Variants in NFATC4 observed in about 807,000 individuals in gnomAD.
The protein encoded by NFATC4 is nuclear factor of activated T-cells, cytoplasmic 4.
In NFATC4, 25 loss-of-function variants were observed where a neutral mutation model predicts 73.4. The ratio of observed to expected loss-of-function variants is 0.34; its 90% confidence interval spans 0.25 to 0.48. The LOEUF is 0.48. Among genes scored for constraint, NFATC4 ranks in the 20% least tolerant of loss-of-function variants. The pLI, the probability that NFATC4 is intolerant of heterozygous loss-of-function variation, is 0.99. For missense variants in NFATC4, 1,130 were observed against 1,203.7 expected, an observed-to-expected ratio of 0.94 and a Z score of 0.91; for synonymous variants, 523 against 510.3, an observed-to-expected ratio of 1.02 and a Z score of -0.34.
upstream of NFATC4, chr14:24,367,249 C>A: frequency 6.2e-7 from 1 of 1,610,404 alleles, no homozygotes; most frequent in Non-Finnish European, 8.5e-7. Flanking sequence ...GGCGGGGGGG[C>A]CAAGGAGGGG....
In NFATC4 at chr14:24,377,701, C is replaced by T. The variant is rs769933716; in HGVS notation, c.2705C>T (p.Ala902Val). 4 of 1,614,094 alleles carry T rather than the reference C, an allele frequency of 2.5e-6. No homozygotes were observed. In the African/African-American group the frequency reaches 4.0e-5, roughly 16 times the overall value. Residue 902 changes from alanine to valine, a missense_variant, in exon 10 of 10, where the codon GCC becomes GTC. Around this residue, in one of 3 missense-constraint regions of NFATC4, gnomAD observed 390 missense variants for 408.1 expected, o/e 0.96. Coordinates refer to ENST00000250373, the MANE Select transcript of NFATC4 (RefSeq NM_004554.5). This position sits in a 1 kb window ranked among gnomAD's most constrained non-coding sequence, Gnocchi z 4.2. ...FPAPPGEEPPA is the reference protein window; with the variant it reads ...FPAPPGEEPPV ...GCACCTCCTGGAGAAGAGCCTCCTG[C>T]CTGAACCACGTGAACTGTCATCACC...
intron 7 of NFATC4, 67 bp from the exon 8 acceptor site, chr14:24,375,908 C>T (rs1221743134): frequency 3.3e-5 from 53 of 1,604,936 alleles, no homozygotes; most frequent in Non-Finnish European, 4.3e-5. Context: ...GGAGTCTGGG[C>T]CCCTGGAAAG....
intron 6 of NFATC4, 100 bp from the exon 7 acceptor site, chr14:24,375,560 A>C (rs1338929993): frequency 7.9e-7 from 1 of 1,273,134 alleles, no homozygotes; most frequent in East Asian, 2.5e-5. Context: ...GGGCCTTCTG[A>C]ATTTGGCCTT....
In NFATC4 at chr14:24,369,853, T is replaced by C; in HGVS notation, c.455T>C (p.Phe152Ser). 3 of 1,608,792 alleles carry C rather than the reference T, an allele frequency of 1.9e-6. No individual in the cohort carries two copies. The highest frequency in any genetic ancestry group is 2.5e-6 in the Non-Finnish European group (3 of 1,177,944). ...SPRDYPPPEG[F>S]GGYREAGGQG... is the part of the protein sequence containing the mutation. ...AGAGATTACCCCCCACCAGAAGGCT[T>C]TGGGGGCTACAGAGAAGCAGGGGGC... is the stretch of plus-strand genomic sequence containing the variant. The change falls in exon 2 of 10, where the codon TTT becomes TCT. Residue 152 changes from phenylalanine to serine, a missense_variant. This residue lies in a region of NFATC4 where 585 missense variants were observed against 574.3 expected (regional missense o/e 1.02). Transcript: ENST00000250373.
chr14:24,377,473 TCA>T lies in NFATC4; in HGVS notation c.2642-164_2642-163del. ...GGCAAGATTTGATTCGGAGCAGGTG[TCA>T]AGACGTGTTGGGGAAACTGAGGCCC... On this transcript the variant is annotated intron_variant, in intron 9 of 9. Transcript: ENST00000250373. This position sits in a 1 kb window ranked among gnomAD's most constrained non-coding sequence, Gnocchi z 4.2. 2 of 1,446,686 alleles carry T rather than the reference TCA, an allele frequency of 1.4e-6. No individual in the cohort carries two copies. The highest frequency in any genetic ancestry group is 2.6e-5 in the Admixed American group (1 of 37,766). The allele number at this position is 1,446,686 out of a possible 1,614,324, so 89.6% of individuals were successfully genotyped here. A position where few individuals can be genotyped will look rare whatever the true frequency, so the allele number is the denominator to read the frequency against.
Position 24,377,759 on chromosome 14 carries a change from C to G in NFATC4, c.*54C>G. On this transcript the variant is annotated 3_prime_UTR_variant, in exon 10 of 10. Coordinates refer to ENST00000250373, the MANE Select transcript of NFATC4 (RefSeq NM_004554.5). This position sits in a 1 kb window ranked among gnomAD's most constrained non-coding sequence, Gnocchi z 4.2. ...CCCAGCCCCAGCCTCAGCCCTGCCC[C>G]CTTTCCCTCCTTCCTGGAGTGGTGG... 6.2e-7 allele frequency: 1 copy of G among 1,613,576 alleles called. No individual in the cohort carries two copies. Among genetic ancestry groups the G allele is most frequent in the East Asian group, 2.2e-5 (1 of 44,874 alleles).
At chr14:24,367,234 T>C, upstream of NFATC4, 1 of 1,612,974 alleles carries the variant, frequency 6.2e-7, no homozygotes, top group South Asian at 1.1e-5. Flanking sequence ...GTCCAGCCTG[T>C]TGGGGGCGGG....
Position 24,377,685 on chromosome 14 carries a change from G to A in NFATC4, c.2689G>A (p.Gly897Arg), listed in dbSNP as rs1314760335. The A allele has an allele frequency of 1.9e-6, 3 of 1,614,028 alleles. No individual in the cohort carries two copies. Among genetic ancestry groups the A allele is most frequent in the Middle Eastern group, 3.3e-4 (2 of 6,084 alleles). The stretch of plus-strand genomic sequence containing the variant: ...CCTGAGTGGCTTCCCTGCACCTCCT[G>A]GAGAAGAGCCTCCTGCCTGAACCAC... ...RDLSGFPAPP[G>R]EEPPA Residue 897 changes from glycine to arginine, a missense_variant, in exon 10 of 10, where the codon GGA becomes AGA. Transcript: ENST00000250373. The surrounding 1 kb of genome is among the most constrained non-coding windows in gnomAD (Gnocchi z 4.2).
In NFATC4 at chr14:24,377,636, A is replaced by G; in HGVS notation, c.2642-2A>G. On this transcript the variant is annotated splice_acceptor_variant, in intron 9 of 9. Coordinates refer to ENST00000250373, the MANE Select transcript of NFATC4 (RefSeq NM_004554.5). LOFTEE classifies it high-confidence loss of function. The surrounding 1 kb of genome is among the most constrained non-coding windows in gnomAD (Gnocchi z 4.2). ...AGTCTCTCAACTGCCCCTCCTTTAC[A>G]GTGAGTGAGATCATTGGCCGAGACC... 6.2e-7 allele frequency: 1 copy of G among 1,614,046 alleles called. No individual in the cohort carries two copies. Among genetic ancestry groups the G allele is most frequent in the South Asian group, 1.1e-5 (1 of 91,066 alleles).
Position 24,379,373 on chromosome 14 carries a change from C to T in NFATC4, c.*1668C>T, listed in dbSNP as rs1398300026. On this transcript the variant is annotated 3_prime_UTR_variant, in exon 10 of 10. Transcript: ENST00000250373. Reference sequence around the variant, plus strand: ...CATTCGTGTCCTATTTATCAATCTTCAGCACCACCTCTAAGATCTCTGAGA... The same window carrying T: ...CATTCGTGTCCTATTTATCAATCTTTAGCACCACCTCTAAGATCTCTGAGA... The T allele has an allele frequency of 2.0e-5, 3 of 152,162 alleles. No individual in the cohort carries two copies. The highest frequency in any genetic ancestry group is 4.4e-5 in the Non-Finnish European group (3 of 68,032). The allele number at this position is 152,162 out of a possible 1,614,324, so 9.4% of individuals were successfully genotyped here. A position where few individuals can be genotyped will look rare whatever the true frequency, so the allele number is the denominator to read the frequency against.
upstream of NFATC4, chr14:24,366,988 C>T (rs1428883155): frequency 6.3e-6 from 10 of 1,597,716 alleles, no homozygotes; most frequent in African/African-American, 1.3e-5. Context: ...GGCCCTGAAC[C>T]GGAGGGATTT....
chr14:24,368,258 G>A lies in NFATC4; in HGVS notation c.-83G>A, dbSNP rs2042359897. ...GGGCTTCTCAGAGAAAGGGAGGGAG[G>A]GAGCCACCCGGGTGAAGATACAGCA... On this transcript the variant is annotated 5_prime_UTR_variant, in exon 1 of 10. Coordinates refer to ENST00000250373, the MANE Select transcript of NFATC4 (RefSeq NM_004554.5). 1 of 1,344,208 alleles carries A rather than the reference G, an allele frequency of 7.4e-7. No individual in the cohort carries two copies. Among genetic ancestry groups the A allele is most frequent in the Non-Finnish European group, 9.6e-7 (1 of 1,045,264 alleles). 83.3% of individuals were successfully genotyped at this position (1,344,208 alleles called of 1,614,324 possible).
chr14:24,366,935 G>A, upstream of NFATC4: 1 of 1,540,970 alleles, frequency 6.5e-7, no homozygotes, highest in Non-Finnish European at 8.7e-7. Context: ...TGGGGCCGTC[G>A]CTTAACCGTT....
upstream of NFATC4, chr14:24,367,054 A>C (rs1379084480): frequency 6.2e-7 from 1 of 1,613,328 alleles, no homozygotes; most frequent in Non-Finnish European, 8.5e-7. Flanking sequence ...TGTGGGAGAA[A>C]ATGATAACCA....
At chr14:24,374,135 C>G in intron 5 of NFATC4, 191 bp from the exon 6 acceptor site, 1 of 906,678 alleles carries the variant, frequency 1.1e-6, no homozygotes, top group Non-Finnish European at 1.7e-6. Context: ...GTTTAACCCT[C>G]TCTCTGCTCT....
At position 24,379,265 on chromosome 14, in the gene NFATC4, C is replaced by T. The variant is rs1300383449; in HGVS notation, c.*1560C>T. On this transcript the variant is annotated 3_prime_UTR_variant, in exon 10 of 10. Transcript: ENST00000250373. ...GATATCAAGTGATTAGCTCACCGGG[C>T]CTTGGTTGCTTTTCAAAGATCCCCT... is the stretch of plus-strand genomic sequence containing the variant. The T allele has an allele frequency of 6.6e-6, 1 of 152,336 alleles. No individual in the cohort carries two copies. The highest frequency in any genetic ancestry group is 1.5e-5 in the Non-Finnish European group (1 of 68,168). 9.4% of individuals were successfully genotyped at this position (152,336 alleles called of 1,614,324 possible).
At position 24,375,648 on chromosome 14, in the gene NFATC4, C is replaced by T. The variant is rs370379765; in HGVS notation, c.1874-12C>T. ...TGGAGTTGGGCTGCAGCTCTCTGTT[C>T]CCTCTGGACAGATGGGAAGCTGCAA... On this transcript the variant is annotated splice_polypyrimidine_tract_variant and intron_variant, in intron 6 of 9. Transcript: ENST00000250373. 2,113 of 1,553,808 alleles carry T rather than the reference C, an allele frequency of 1.4e-3. 35 individuals carry two copies. The South Asian group carries it at 0.018, about 13-fold the overall frequency.
chr14:24,375,759 G>GGGGGCCC, intron 7 of NFATC4, 44 bp downstream of exon 7: 1 of 616,998 alleles, frequency 1.6e-6, no homozygotes, highest in Non-Finnish European at 3.0e-6. Context: ...GGGGGTGGGA[G>GGGGGCCC]AAGGCAGGGG....
chr14:24,373,479 C>T lies in NFATC4; in HGVS notation c.1559+109C>T, dbSNP rs1225925995. The T allele has an allele frequency of 4.2e-6, 6 of 1,438,812 alleles. No homozygotes were observed. Among genetic ancestry groups the T allele is most frequent in the Non-Finnish European group, 5.7e-6 (6 of 1,055,840 alleles). 89.1% of individuals were successfully genotyped at this position (1,438,812 alleles called of 1,614,324 possible). ...TTCCCAGAAGAGGTAGACATTTTTCCTAGGAGCTGGCTTCAGGCCTACCCA... is the reference window on the plus strand; with the variant it reads ...TTCCCAGAAGAGGTAGACATTTTTCTTAGGAGCTGGCTTCAGGCCTACCCA... On this transcript the variant is annotated intron_variant, in intron 4 of 9. Coordinates refer to ENST00000250373, the MANE Select transcript of NFATC4 (RefSeq NM_004554.5). The surrounding 1 kb of genome is among the most constrained non-coding windows in gnomAD (Gnocchi z 4.7).
Sources: gnomAD v4.1 joint callset for allele counts on GRCh38, gnomAD v4.1.1 for gene constraint, gnomAD v4.1.1 regional missense constraint, Gnocchi (gnomAD v3.1) non-coding constraint, MANE v1.5 for transcripts, NCBI Gene and HGNC (gene_info 2026-07-23, HGNC 2026-07-21) for gene names.